TMEM178A: variants seen among roughly 807,000 people sequenced by gnomAD.
TMEM178A encodes transmembrane protein 178.
A neutral mutation model predicts 29.1 loss-of-function variants in TMEM178A; 12 were observed. The ratio of observed to expected loss-of-function variants is 0.41; its 90% CI spans 0.26 to 0.67. TMEM178A has a LOEUF of 0.67. Among genes scored for constraint, TMEM178A ranks in the 30% least tolerant of loss-of-function variants. TMEM178A has a pLI of 0.29. For synonymous variants in TMEM178A, 210 were observed against 187.2 expected, an observed-to-expected ratio of 1.12 and a Z score of -0.99; for missense variants, 366 against 419.1, an observed-to-expected ratio of 0.87 and a Z score of 1.11.
chr2:39,678,562 A>G (rs1558445389), intron 1 of TMEM178A, among the ~76,000 whole-genome samples: 1 of 152,218 alleles, frequency 6.6e-6, no homozygotes, highest in East Asian at 1.9e-4. Flanking sequence ...GGAGGGGATA[A>G]TAGGGAGTGA....
intron 1 of TMEM178A, among the ~76,000 whole-genome samples, chr2:39,674,399 T>C (rs1670527103): frequency 6.6e-6 from 1 of 152,190 alleles, no homozygotes; most frequent in African/African-American, 2.4e-5. Context: ...TTATTCTAAG[T>C]GAAGTAACTC....
chr2:39,706,873 C>T (rs1047651617), intron 2 of TMEM178A, among the ~76,000 whole-genome samples, 176 bp from the exon 3 acceptor site: 2 of 152,252 alleles, frequency 1.3e-5, no homozygotes, highest in Non-Finnish European at 2.9e-5. Context: ...TACACCCCAT[C>T]AGTCCTCTTA....
At chr2:39,733,590 G>A in the TMEM178A span, among the ~76,000 whole-genome samples, 1 of 152,188 alleles carries the variant, frequency 6.6e-6, no homozygotes, top group African/African-American at 2.4e-5. Context: ...TTCTTGGAAA[G>A]GTGAAGTCCT....
intron 1 of TMEM178A, among the ~76,000 whole-genome samples, chr2:39,690,224 A>G (rs1047798169): frequency 7.9e-5 from 12 of 152,318 alleles, no homozygotes; most frequent in African/African-American, 2.6e-4. Flanking sequence ...GGGCCCAACC[A>G]TGAACCCCAT....
At chr2:39,685,557 A>G (rs1405554891) in intron 1 of TMEM178A, among the ~76,000 whole-genome samples, 1 of 152,196 alleles carries the variant, frequency 6.6e-6, no homozygotes, top group South Asian at 2.1e-4. Flanking sequence ...AGTGAAAATT[A>G]CAAGGTCTAA....
intron 1 of TMEM178A, among the ~76,000 whole-genome samples, chr2:39,698,650 G>A (rs1671653559): frequency 1.3e-5 from 2 of 151,348 alleles, no homozygotes; most frequent in African/African-American, 4.8e-5. Flanking sequence ...TTCATATCAG[G>A]GTAATAATGG....
intron 1 of TMEM178A, among the ~76,000 whole-genome samples, chr2:39,680,175 T>C (rs1377518683): frequency 1.3e-5 from 2 of 152,216 alleles, no homozygotes; most frequent in Non-Finnish European, 2.9e-5. Flanking sequence ...TTCTCATATG[T>C]AAATATGGAG....
intron 1 of TMEM178A, among the ~76,000 whole-genome samples, chr2:39,673,434 G>A (rs978179541): frequency 1.3e-5 from 2 of 152,192 alleles, no homozygotes; most frequent in African/African-American, 4.8e-5. Context: ...TAACTTGCTG[G>A]ATGTCCTCCA....
rs61303746 is a variant in TMEM178A, at chr2:39,712,041, T to TTGTGTGTGTGTGTGTGTGTG, written c.652+4873_652+4892dup. On this transcript the variant is annotated intron_variant, in intron 3 of 3. Coordinates refer to ENST00000281961, the MANE Select transcript of TMEM178A (RefSeq NM_152390.3). ...GCTTTTGGGATTTAGGAATTGCATT[T>TTGTGTGTGTGTGTGTGTGTG]TGTGTGTGTGTGTGTGTGTGTGTGT... Among the ~76,000 whole-genome samples the TTGTGTGTGTGTGTGTGTGTG allele has an allele frequency of 3.5e-3, 485 of 139,322 alleles. 2 individuals are homozygous for TTGTGTGTGTGTGTGTGTGTG. Among genetic ancestry groups the TTGTGTGTGTGTGTGTGTGTG allele is most frequent in the Admixed American group, 5.5e-3 (75 of 13,674 alleles). The allele number at this position is 139,322 out of a possible 152,430, so 91.4% of individuals were successfully genotyped here. A position where few individuals can be genotyped will look rare whatever the true frequency, so the allele number is the denominator to read the frequency against.
At position 39,684,838 on chromosome 2, in the gene TMEM178A, C is replaced by T. The variant is rs141099918; in HGVS notation, c.400+18464C>T. On this transcript the variant is annotated intron_variant, in intron 1 of 3. Coordinates refer to ENST00000281961, the MANE Select transcript of TMEM178A (RefSeq NM_152390.3). Reference sequence around the variant, plus strand: ...TAAACAACCCTGTCCCCTACACCTTCGCTTTTGCTGTTCCTCTGTCTGGAA... The same window carrying T: ...TAAACAACCCTGTCCCCTACACCTTTGCTTTTGCTGTTCCTCTGTCTGGAA... 2.0e-3 allele frequency among the ~76,000 whole-genome samples: 312 copies of T among 152,270 alleles called. 1 individual carries two copies. The highest frequency in any genetic ancestry group is 7.3e-3 in the African/African-American group (305 of 41,566).
At chr2:39,690,496 T>A (rs929545011) in intron 1 of TMEM178A, among the ~76,000 whole-genome samples, 1 of 151,846 alleles carries the variant, frequency 6.6e-6, no homozygotes, top group Non-Finnish European at 1.5e-5. Context: ...TGTCCTAAGG[T>A]GGAATTGAGA....
intron 1 of TMEM178A, among the ~76,000 whole-genome samples, chr2:39,696,428 TG>T (rs753701310): frequency 2.0e-5 from 3 of 152,206 alleles, no homozygotes; most frequent in Non-Finnish European, 2.9e-5. Context: ...GCTGACATTA[TG>T]GAGTACTTAC....
the TMEM178A span, among the ~76,000 whole-genome samples, chr2:39,731,432 C>A: frequency 4.6e-5 from 7 of 152,092 alleles, no homozygotes; most frequent in Admixed American, 1.3e-4. Context: ...TGGGCTGGCT[C>A]AAAATATGGC....
chr2:39,672,447 T>C (rs1451852067), intron 1 of TMEM178A, among the ~76,000 whole-genome samples: 1 of 152,212 alleles, frequency 6.6e-6, no homozygotes, highest in African/African-American at 2.4e-5. Context: ...TAGCTACTGA[T>C]TTTTCTTCTT....
At chr2:39,676,434 G>A (rs1670626743) in intron 1 of TMEM178A, among the ~76,000 whole-genome samples, 3 of 152,228 alleles carry the variant, frequency 2.0e-5, no homozygotes, top group African/African-American at 7.2e-5. Context: ...AGTGAGCTAG[G>A]AAACGGAAGA....
At chr2:39,704,258 C>A in intron 2 of TMEM178A, 64 bp downstream of exon 2, 1 of 1,347,976 alleles carries the variant, frequency 7.4e-7, no homozygotes, top group Non-Finnish European at 1.1e-6. Flanking sequence ...TTCCCACCAC[C>A]CCTCTCACAT....
At chr2:39,723,867 T>C in the TMEM178A span, among the ~76,000 whole-genome samples, 1 of 152,226 alleles carries the variant, frequency 6.6e-6, no homozygotes, top group Non-Finnish European at 1.5e-5. Context: ...TAACCCTATC[T>C]GAGCCTACTG....
At chr2:39,722,066 C>G (rs1371551312), downstream of TMEM178A, among the ~76,000 whole-genome samples, 1 of 147,024 alleles carries the variant, frequency 6.8e-6, no homozygotes, top group Admixed American at 6.8e-5. Flanking sequence ...AGAGGCACCA[C>G]TAGAGGAGAA....
intron 1 of TMEM178A, among the ~76,000 whole-genome samples, chr2:39,702,123 G>A (rs1052087005): frequency 6.6e-6 from 1 of 151,674 alleles, no homozygotes; most frequent in Non-Finnish European, 1.5e-5. Flanking sequence ...TTGAAAACTG[G>A]GCATTTGAAA....
Sources: gnomAD v4.1 joint callset for allele counts (sites outside exome capture counted in the v4.1 genomes callset) on GRCh38, gnomAD v4.1.1 for gene constraint, MANE v1.5 for transcripts, NCBI Gene and HGNC (gene_info 2026-07-23, HGNC 2026-07-21) for gene names.